The following PCNX3 variants were observed in gnomAD, a reference collection of about 807,000 sequenced individuals.
PCNX3 encodes pecanex-like protein 3.
Under a neutral mutation model 207.2 loss-of-function variants are expected in PCNX3, and 58 were observed. That is an observed-to-expected ratio of 0.28 (90% confidence interval 0.23 to 0.35). The LOEUF (loss-of-function observed/expected upper bound fraction) is 0.35, where lower values mean the gene tolerates loss of function less well. Among genes scored for constraint, PCNX3 ranks in the 10% least tolerant of loss-of-function variants. The pLI, the probability that PCNX3 is intolerant of heterozygous loss-of-function variation, is 1.00. For synonymous variants in PCNX3, 1,337 were observed against 1,183.5 expected, an observed-to-expected ratio of 1.13 and a Z score of -2.66; for missense variants, 2,410 against 2,774.4, an observed-to-expected ratio of 0.87 and a Z score of 2.95.
At position 65,618,593 on chromosome 11, in the gene PCNX3, C is replaced by T. The variant is rs1854886401; in HGVS notation, c.1231C>T (p.Pro411Ser). Residue 411 changes from proline (P) to serine (S), a missense_variant, in exon 6 of 35, where the codon CCC (proline) becomes TCC (serine). Physicochemically the swap from Pro to Ser is moderately conservative, Grantham distance 74 (BLOSUM62 -1). This residue lies in a region of PCNX3 where 1,104 missense variants were observed against 970.3 expected (regional missense o/e 1.14). Transcript: ENST00000355703. The part of the protein sequence containing the change: ...HSPPGRAPRR[P>S]LLEGGGFFED... ...TCCACCTGGCCGTGCCCCTCGACGG[C>T]CCCTGCTTGAAGGTGGGGGCTTCTT... 6.2e-7 allele frequency: 1 copy of T among 1,612,188 alleles called. No individual in the cohort carries two copies. The highest frequency in any genetic ancestry group is 8.5e-7 in the Non-Finnish European group (1 of 1,179,794).
At position 65,618,743 on chromosome 11, in the gene PCNX3, G is replaced by T; in HGVS notation, c.1381G>T (p.Ala461Ser). 1 of 1,612,170 alleles carries T rather than the reference G, an allele frequency of 6.2e-7. No individual in the cohort carries two copies. The change falls in exon 6 of 35, where the codon GCA becomes TCA. Residue 461 changes from alanine to serine, a missense_variant. Transcript: ENST00000355703. ...CTACTCCCCTGAGAGCTCCCGGGGT[G>T]CAGCAGGGGGACCCCGGAAGCGGAG... Reference protein sequence around the residue: ...SCYSPESSRGAAGGPRKRRAP... With the variant: ...SCYSPESSRGSAGGPRKRRAP...
chr11:65,616,823 G>T lies in PCNX3; in HGVS notation c.154-1G>T. ...GGGACCTGGCTTACTTTCATCTTCAGGTCCTGCCTCCCAGCTTGATGGTGG... is the reference window on the plus strand; with the variant it reads ...GGGACCTGGCTTACTTTCATCTTCATGTCCTGCCTCCCAGCTTGATGGTGG... On this transcript the variant is annotated splice_acceptor_variant, in intron 1 of 34. Coordinates refer to ENST00000355703, the MANE Select transcript of PCNX3 (RefSeq NM_032223.4). LOFTEE classifies it high-confidence loss of function. The T allele has an allele frequency of 6.2e-7, 1 of 1,609,978 alleles. No homozygotes were observed. Among genetic ancestry groups the T allele is most frequent in the Non-Finnish European group, 8.5e-7 (1 of 1,176,854 alleles).
chr11:65,625,562 G>A lies in PCNX3; in HGVS notation c.3135+52G>A, dbSNP rs1467220068. 7.0e-6 allele frequency: 11 copies of A among 1,574,050 alleles called. No individual in the cohort carries two copies. In the East Asian group the frequency reaches 2.1e-4, roughly 30 times the overall value. On this transcript the variant is annotated intron_variant, in intron 18 of 34. Coordinates refer to ENST00000355703, the MANE Select transcript of PCNX3 (RefSeq NM_032223.4). The surrounding 1 kb of genome is among the most constrained non-coding windows in gnomAD (Gnocchi z 5.6). ...TGGGGAGGTGGTGACAGGTCCTGGG[G>A]TTCCTGGGAGGGGCATGTCCAGCTT...
chr11:65,636,207 TGGC>T lies in PCNX3; in HGVS notation c.5496_5498del (p.Gly1833del), dbSNP rs1855829279. 6.3e-7 allele frequency: 1 copy of T among 1,583,738 alleles called. No individual in the cohort carries two copies. The highest frequency in any genetic ancestry group is 1.2e-5 in the South Asian group (1 of 86,872). ...AGGGCTGTGGCGCCGGCTGCAATAG[TGGC>T]GGGAACGTGGATGATTCAGACTGTA... is the stretch of plus-strand genomic sequence containing the variant. On this transcript the variant is annotated inframe_deletion, in exon 33 of 35. Transcript: ENST00000355703.
chr11:65,636,678 C>T lies in PCNX3; in HGVS notation c.5881C>T (p.Pro1961Ser). 1 of 1,582,726 alleles carries T rather than the reference C, an allele frequency of 6.3e-7. No individual in the cohort carries two copies. ...PASGSPKGGT[P>S]KSQAPLDLSL... ...CTCAGGGAGCCCCAAAGGAGGTACC[C>T]CCAAATCTCAGGTAAGGCACCTGTG... is the stretch of plus-strand genomic sequence containing the variant. The change falls in exon 34 of 35, where the codon CCC (proline) becomes TCC (serine). Residue 1961 changes from proline to serine, a missense_variant. Pro to Ser is a moderately conservative substitution (Grantham distance 74, BLOSUM62 -1). This residue lies in a region of PCNX3 where 278 missense variants were observed against 245.1 expected (regional missense o/e 1.13). Coordinates refer to ENST00000355703, the MANE Select transcript of PCNX3 (RefSeq NM_032223.4).
At chr11:65,628,223 C>T (rs921895240) in intron 22 of PCNX3, among the ~76,000 whole-genome samples, 1 of 152,222 alleles carries the variant, frequency 6.6e-6, no homozygotes, top group Admixed American at 6.5e-5. Flanking sequence ...TCTCAATTTT[C>T]AGTACTATAG....
intron 27 of PCNX3, 59 bp downstream of exon 27, chr11:65,630,663 A>G (rs1855582302): frequency 1.3e-6 from 2 of 1,568,758 alleles, no homozygotes; most frequent in South Asian, 1.2e-5. Context: ...CTCGCTGACC[A>G]GAGGCCCCAG....
intron 8 of PCNX3, among the ~76,000 whole-genome samples, 199 bp downstream of exon 8, chr11:65,620,131 C>T (rs1307915250): frequency 2.0e-5 from 3 of 152,222 alleles, no homozygotes; most frequent in Non-Finnish European, 4.4e-5. Context: ...GCTCAGCTTA[C>T]AGTACAGGGG....
rs117862438 is a variant in PCNX3 at position 65,637,021 on chromosome 11, G to A, written c.*43G>A. ...GGACCACCTCCTAGGATTCAGTAAC[G>A]GACCTGCTCTGCTGCCTCTCTGCTG... On this transcript the variant is annotated 3_prime_UTR_variant, in exon 35 of 35. Coordinates refer to ENST00000355703, the MANE Select transcript of PCNX3 (RefSeq NM_032223.4). The A allele has an allele frequency of 5.9e-6, 9 of 1,528,198 alleles. No individual in the cohort carries two copies. The highest frequency in any genetic ancestry group is 4.9e-5 in the East Asian group (2 of 41,088). 94.7% of individuals were successfully genotyped at this position (1,528,198 alleles called of 1,614,324 possible). A position where few individuals can be genotyped will look rare whatever the true frequency, so the allele number is the denominator to read the frequency against.
Position 65,616,479 on chromosome 11 carries a change from C to T in PCNX3, c.153+15C>T, listed in dbSNP as rs1269633024. 7 of 1,595,602 alleles carry T rather than the reference C, an allele frequency of 4.4e-6. No individual in the cohort carries two copies. Among genetic ancestry groups the T allele is most frequent in the East Asian group, 2.3e-5 (1 of 44,226 alleles). ...TACTGTACATGGTGAGACGCCACGG[C>T]CACCTGTAACTCCAGCCGGGAGAGG... is the stretch of plus-strand genomic sequence containing the variant. On this transcript the variant is annotated intron_variant, in intron 1 of 34. Transcript: ENST00000355703.
In PCNX3 at chr11:65,623,515, C is replaced by T. The variant is rs1401241940; in HGVS notation, c.2382C>T (p.Ile794=). 1 of 1,612,042 alleles carries T rather than the reference C, an allele frequency of 6.2e-7. No homozygotes were observed. The highest frequency in any genetic ancestry group is 8.5e-7 in the Non-Finnish European group (1 of 1,178,814). The change falls in exon 12 of 35, where the codon ATC becomes ATT. Residue 794 remains isoleucine (I), a synonymous_variant. Coordinates refer to ENST00000355703, the MANE Select transcript of PCNX3 (RefSeq NM_032223.4). ...LDRTRGVLEN[I]FGVGLSSLVA... The stretch of plus-strand genomic sequence containing the variant: ...GGACGCGGGGAGTGCTGGAGAACAT[C>T]TTCGGCGTGGGCCTGAGCAGCCTTG...
intron 13 of PCNX3, 108 bp downstream of exon 13, chr11:65,624,069 A>G (rs1855252546): frequency 6.4e-7 from 1 of 1,572,834 alleles, no homozygotes; most frequent in Middle Eastern, 1.9e-4. Flanking sequence ...CACCACCCCC[A>G]TCACCCCCAC....
In PCNX3 at chr11:65,623,658, C is replaced by T; in HGVS notation, c.2511+14C>T. 6.2e-7 allele frequency: 1 copy of T among 1,608,512 alleles called. No homozygotes were observed. Among genetic ancestry groups the T allele is most frequent in the Non-Finnish European group, 8.5e-7 (1 of 1,176,872 alleles). On this transcript the variant is annotated intron_variant, in intron 12 of 34. Coordinates refer to ENST00000355703, the MANE Select transcript of PCNX3 (RefSeq NM_032223.4). ...TCCTTGCTGAAGGTCAGGCCGGGCT[C>T]TCTGTGTTTCCTTCCCCACCCGACT... is the stretch of plus-strand genomic sequence containing the variant.
At position 65,620,968 on chromosome 11, in the gene PCNX3, TGAG is replaced by T. The variant is rs1238929636; in HGVS notation, c.2235+6_2235+8del. 9 of 1,535,068 alleles carry T rather than the reference TGAG, an allele frequency of 5.9e-6. No homozygotes were observed. The highest frequency in any genetic ancestry group is 2.7e-5 in the African/African-American group (2 of 72,742). On this transcript the variant is annotated splice_donor_5th_base_variant and intron_variant, in intron 10 of 34. Coordinates refer to ENST00000355703, the MANE Select transcript of PCNX3 (RefSeq NM_032223.4). The stretch of plus-strand genomic sequence containing the variant: ...CGGGTGCCCCTGGAGATCCCGGAGG[TGAG>T]GAGCAGCCGGGGAAGGGCCGTGCCA...
At position 65,629,351 on chromosome 11, in the gene PCNX3, G is replaced by C; in HGVS notation, c.3942-6G>C. ...CCAACCGCCTTGTTGCACTCTCTCT[G>C]AACAGCACTAAACGTGTGGATCATT... On this transcript the variant is annotated splice_polypyrimidine_tract_variant and splice_region_variant and intron_variant, in intron 24 of 34. Transcript: ENST00000355703. The C allele has an allele frequency of 6.2e-7, 1 of 1,609,472 alleles. No homozygotes were observed. The highest frequency in any genetic ancestry group is 2.2e-5 in the East Asian group (1 of 44,730).
Position 65,636,413 on chromosome 11 carries a change from A to T in PCNX3, c.5616A>T (p.Pro1872=), listed in dbSNP as rs779704694. The change falls in exon 34 of 35, where the codon CCA becomes CCT. Residue 1872 remains proline, a synonymous_variant. Coordinates refer to ENST00000355703, the MANE Select transcript of PCNX3 (RefSeq NM_032223.4). ...NTAGNGDQPL[P]PGPGWGPRSS... is the part of the protein sequence containing the mutation. ...CAGGCAATGGTGACCAACCCCTCCCACCAGGCCCTGGCTGGGGGCCGCGGT... is the reference window on the plus strand; with the variant it reads ...CAGGCAATGGTGACCAACCCCTCCCTCCAGGCCCTGGCTGGGGGCCGCGGT... 1.4e-5 allele frequency: 22 copies of T among 1,555,770 alleles called. No homozygotes were observed. The highest frequency in any genetic ancestry group is 1.9e-5 in the Non-Finnish European group (22 of 1,151,506).
At position 65,620,400 on chromosome 11, in the gene PCNX3, G is replaced by A. The variant is rs1855024521; in HGVS notation, c.2070G>A (p.Gln690=). 1 of 1,613,212 alleles carries A rather than the reference G, an allele frequency of 6.2e-7. No homozygotes were observed. Among genetic ancestry groups the A allele is most frequent in the African/African-American group, 1.3e-5 (1 of 74,902 alleles). Residue 690 remains glutamine, a synonymous_variant, in exon 9 of 35, where the codon CAG becomes CAA. Transcript: ENST00000355703. ...AGGGYENPVG[Q]QGEQTANGAW... ...GCGGCTACGAGAACCCTGTAGGGCA[G>A]CAAGGGGAGCAGACAGCTAATGGAG...
At chr11:65,621,826 C>T (rs573360390) in intron 10 of PCNX3, among the ~76,000 whole-genome samples, 5 of 152,360 alleles carry the variant, frequency 3.3e-5, no homozygotes, top group Non-Finnish European at 7.3e-5. Flanking sequence ...AGGCTGAGCC[C>T]TGCATGCACG....
rs1282553087 is a variant in PCNX3 at position 65,616,333 on chromosome 11, A to G, written c.22A>G (p.Ile8Val). The change falls in exon 1 of 35, where the codon ATC becomes GTC. Residue 8 changes from isoleucine (I) to valine (V), a missense_variant. This residue lies in a region of PCNX3 where 1,104 missense variants were observed against 970.3 expected (regional missense o/e 1.14). Transcript: ENST00000355703. ...GGCCATGGGGTCGCAGGTGTTGCAGATCCTGCGCCAGGGGGTGTGGGCCTC... is the reference window on the plus strand; with the variant it reads ...GGCCATGGGGTCGCAGGTGTTGCAGGTCCTGCGCCAGGGGGTGTGGGCCTC... The part of the protein sequence containing the change: MGSQVLQ[I>V]LRQGVWASLT... 1.2e-6 allele frequency: 2 copies of G among 1,600,628 alleles called. No homozygotes were observed. The highest frequency in any genetic ancestry group is 1.7e-6 in the Non-Finnish European group (2 of 1,176,550).
Sources: allele counts gnomAD v4.1 joint callset (sites outside exome capture counted in the v4.1 genomes callset), GRCh38; gene constraint gnomAD v4.1.1; regional missense constraint gnomAD v4.1.1; non-coding constraint Gnocchi (gnomAD v3.1); transcripts MANE v1.5; gene names NCBI Gene and HGNC (gene_info 2026-07-23, HGNC 2026-07-21).